EPHB2: variants seen among roughly 807,000 people sequenced by gnomAD.
EPHB2 encodes EPH receptor B2.
In EPHB2, 18 loss-of-function variants were observed where a neutral mutation model predicts 96.4. That is an observed-to-expected ratio of 0.19 (90% CI 0.13 to 0.28). EPHB2 has a LOEUF of 0.28. Ranked by LOEUF, EPHB2 falls within the 10% of genes least tolerant of loss-of-function variation. The pLI, the probability that EPHB2 is intolerant of heterozygous loss-of-function variation, is 1.00. For missense variants in EPHB2, 989 were observed against 1,355.4 expected, an observed-to-expected ratio of 0.73 and a Z score of 4.25; for synonymous variants, 506 against 534.1, an observed-to-expected ratio of 0.95 and a Z score of 0.72.
Position 22,784,342 on chromosome 1 carries a change from T to TCCAC in EPHB2, c.127-50_127-49insCCAC. The stretch of plus-strand genomic sequence containing the variant: ...TGTCTTCCACCTTAGACTGAGTGTG[T>TCCAC]GCTGGGGCTGAGCCCTTACCTCCCC... On this transcript the variant is annotated intron_variant, in intron 2 of 15. Coordinates refer to ENST00000374630, the MANE Select transcript of EPHB2 (RefSeq NM_017449.5). The surrounding 1 kb of genome is among the most constrained non-coding windows in gnomAD (Gnocchi z 5.1). The TCCAC allele has an allele frequency of 1.3e-6, 2 of 1,578,064 alleles. No homozygotes were observed. The highest frequency in any genetic ancestry group is 1.7e-6 in the Non-Finnish European group (2 of 1,149,184).
intron 4 of EPHB2, 94 bp downstream of exon 4, chr1:22,863,286 C>T (rs1440260303): frequency 1.0e-5 from 16 of 1,584,364 alleles, no homozygotes; most frequent in East Asian, 4.5e-5. Context: ...CGTCCGGTTA[C>T]AGCCAGTCTT....
At chr1:22,787,095 G>T (rs1005805416) in intron 3 of EPHB2, among the ~76,000 whole-genome samples, 6 of 152,350 alleles carry the variant, frequency 3.9e-5, no homozygotes, top group Admixed American at 3.3e-4. Flanking sequence ...AGAAGAATCA[G>T]ACTGTGGCTC....
At chr1:22,750,921 C>G (rs1034292933) in intron 1 of EPHB2, among the ~76,000 whole-genome samples, 1 of 152,180 alleles carries the variant, frequency 6.6e-6, no homozygotes, top group Non-Finnish European at 1.5e-5. Flanking sequence ...AGGCAGCAGG[C>G]CCCAGAGCCC....
chr1:22,884,619 CAA>C (rs10599403), intron 6 of EPHB2, among the ~76,000 whole-genome samples: 40,759 of 86,216 alleles, frequency 0.47, 6,575 homozygotes, highest in Non-Finnish European at 0.5. Context: ...GATGCTGTCT[CAA>C]AAAAAAAAAA....
intron 3 of EPHB2, among the ~76,000 whole-genome samples, chr1:22,811,101 A>G (rs1185992528): frequency 1.3e-5 from 2 of 152,086 alleles, no homozygotes; most frequent in East Asian, 1.9e-4. Flanking sequence ...CTTTTTCTTC[A>G]TTTGTAAAAT....
intron 3 of EPHB2, among the ~76,000 whole-genome samples, chr1:22,789,494 G>T (rs538701432): frequency 6.6e-6 from 1 of 152,302 alleles, no homozygotes; most frequent in South Asian, 2.1e-4. Flanking sequence ...CTTCTCTGGT[G>T]CCTACTGTGT....
At chr1:22,774,233 G>A (rs946454932) in intron 1 of EPHB2, among the ~76,000 whole-genome samples, 4 of 152,092 alleles carry the variant, frequency 2.6e-5, no homozygotes, top group African/African-American at 7.2e-5. Flanking sequence ...GGGACCAGCC[G>A]TCTCACTCCG....
intron 3 of EPHB2, among the ~76,000 whole-genome samples, chr1:22,833,668 A>G (rs1645339522): frequency 6.6e-6 from 1 of 152,230 alleles, no homozygotes; most frequent in Non-Finnish European, 1.5e-5. Context: ...AATCAATTCC[A>G]CAGAATTAAG....
chr1:22,754,143 T>G (rs1644107579), intron 1 of EPHB2, among the ~76,000 whole-genome samples: 1 of 151,838 alleles, frequency 6.6e-6, no homozygotes, highest in African/African-American at 2.4e-5. Flanking sequence ...ACCCCAGGAG[T>G]GAGACAGGCA....
At chr1:22,720,283 T>C (rs552434745) in intron 1 of EPHB2, among the ~76,000 whole-genome samples, 25 of 152,202 alleles carry the variant, frequency 1.6e-4, no homozygotes, top group Non-Finnish European at 2.8e-4. Flanking sequence ...CTCATCAGGT[T>C]CAAGGAAAAG....
intron 1 of EPHB2, among the ~76,000 whole-genome samples, chr1:22,728,153 A>G (rs1361009363): frequency 1.3e-5 from 2 of 152,154 alleles, no homozygotes; most frequent in East Asian, 3.8e-4. Context: ...AAAGGCAGGG[A>G]TTTTTTTATC....
intron 1 of EPHB2, among the ~76,000 whole-genome samples, chr1:22,748,152 G>A (rs1446437076): frequency 6.6e-6 from 1 of 152,114 alleles, no homozygotes; most frequent in East Asian, 1.9e-4. Context: ...ATTTCACTGG[G>A]TTACTGTGAA....
intron 1 of EPHB2, among the ~76,000 whole-genome samples, chr1:22,731,040 G>A (rs1643698871): frequency 6.6e-6 from 1 of 152,094 alleles, no homozygotes; most frequent in Admixed American, 6.5e-5. Flanking sequence ...GGATCCAGAG[G>A]GGGCGGAGAG....
intron 12 of EPHB2, among the ~76,000 whole-genome samples, chr1:22,908,626 G>C (rs938170812): frequency 1.3e-5 from 2 of 152,182 alleles, no homozygotes; most frequent in African/African-American, 4.8e-5. Context: ...AAGCAGCAAG[G>C]GTTGTTGAAG....
At chr1:22,800,702 ATGTGTGTGTG>A (rs59671872) in intron 3 of EPHB2, among the ~76,000 whole-genome samples, 9 of 148,774 alleles carry the variant, frequency 6.0e-5, no homozygotes, top group Non-Finnish European at 9.0e-5. Context: ...GTGTGAGTAT[ATGTGTGTGTG>A]TGTGTGTGTG....
At chr1:22,759,253 T>C (rs554090833) in intron 1 of EPHB2, among the ~76,000 whole-genome samples, 2 of 152,274 alleles carry the variant, frequency 1.3e-5, no homozygotes, top group African/African-American at 4.8e-5. Flanking sequence ...TTGGCCTCAC[T>C]GAACCCTAGT....
rs1394967115 is a variant in EPHB2 at position 22,846,349 on chromosome 1, G to A, written c.812-16688G>A. Among the ~76,000 whole-genome samples the A allele has an allele frequency of 6.6e-6, 1 of 151,776 alleles. No homozygotes were observed. The highest frequency in any genetic ancestry group is 2.4e-5 in the African/African-American group (1 of 41,276). On this transcript the variant is annotated intron_variant, in intron 3 of 15. Transcript: ENST00000374630. The surrounding 1 kb of genome is among the most constrained non-coding windows in gnomAD (Gnocchi z 4.3). ...GAGAATCACTTGAACCCGGGAGGTG[G>A]AGGTTGCAGTGAGCCGAGATTGTGC...
intron 6 of EPHB2, among the ~76,000 whole-genome samples, chr1:22,885,175 C>T (rs967360582): frequency 2.0e-5 from 3 of 152,156 alleles, no homozygotes; most frequent in African/African-American, 7.2e-5. Flanking sequence ...GAGCCAGCAT[C>T]TCTGCTCCCC....
Position 22,918,610 on chromosome 1 carries a change from A to G in EPHB2, c.*5040A>G, listed in dbSNP as rs1053372816. 4.6e-5 allele frequency: 7 copies of G among 152,158 alleles called. No individual in the cohort carries two copies. Among genetic ancestry groups the G allele is most frequent in the African/African-American group, 1.7e-4 (7 of 41,430 alleles). 9.4% of individuals were successfully genotyped at this position (152,158 alleles called of 1,614,324 possible). On this transcript the variant is annotated 3_prime_UTR_variant, in exon 16 of 16. Coordinates refer to ENST00000374630, the MANE Select transcript of EPHB2 (RefSeq NM_017449.5). The surrounding 1 kb of genome is among the most constrained non-coding windows in gnomAD (Gnocchi z 4.2). ...TGATGCTACATACGCATGCGAATAC[A>G]CCACCGGGTGGCCTTGACCCAGCCT...
Sources: gnomAD v4.1 joint callset for allele counts (sites outside exome capture counted in the v4.1 genomes callset) on GRCh38, gnomAD v4.1.1 for gene constraint, Gnocchi (gnomAD v3.1) non-coding constraint, MANE v1.5 for transcripts, NCBI Gene and HGNC (gene_info 2026-07-23, HGNC 2026-07-21) for gene names.